The following SPAG16 variants were observed in gnomAD, a reference collection of about 807,000 sequenced individuals.
SPAG16 encodes sperm-associated antigen 16 protein.
In SPAG16, 86 loss-of-function variants were observed where a neutral mutation model predicts 80.4. The observed-to-expected ratio is 1.07, with a 90% CI of 0.90 to 1.28. The LOEUF is 1.28. Among genes scored for constraint, SPAG16 ranks in the 50% most tolerant of loss-of-function variants. The pLI, the probability that SPAG16 is intolerant of heterozygous loss-of-function variation, is 0.00. For synonymous variants in SPAG16, 294 were observed against 265.9 expected (o/e 1.11, Z -1.03); for missense variants, 870 against 765.3 (o/e 1.14, Z -1.61).
At chr2:213,637,442 A>ATACTG (rs1223445548) in intron 10 of SPAG16, among the ~76,000 whole-genome samples, 2 of 152,052 alleles carry the variant, frequency 1.3e-5, no homozygotes, top group Admixed American at 6.5e-5. Flanking sequence ...TGTTAGGGTG[A>ATACTG]TACTGGCTTC....
At chr2:214,133,143 A>T (rs6738356) in intron 14 of SPAG16, among the ~76,000 whole-genome samples, 1 of 150,412 alleles carries the variant, frequency 6.6e-6, no homozygotes, top group Non-Finnish European at 1.5e-5. Flanking sequence ...AAAAAAACCT[A>T]CCATTAGCAT....
chr2:214,229,965 C>T (rs573768109), intron 15 of SPAG16, among the ~76,000 whole-genome samples: 1 of 151,926 alleles, frequency 6.6e-6, no homozygotes, highest in Non-Finnish European at 1.5e-5. Context: ...ATTCAGTTTT[C>T]TCTTACACTC....
intron 12 of SPAG16, among the ~76,000 whole-genome samples, chr2:213,964,729 G>A (rs2044620216): frequency 6.6e-6 from 1 of 152,086 alleles, no homozygotes; most frequent in South Asian, 2.1e-4. Flanking sequence ...TCCACACCTA[G>A]ATCAATCAGA....
intron 10 of SPAG16, among the ~76,000 whole-genome samples, chr2:213,522,252 G>A (rs764022375): frequency 3.3e-5 from 5 of 152,142 alleles, no homozygotes; most frequent in Non-Finnish European, 1.5e-5. Context: ...AAACACAGAT[G>A]TAAACACTTT....
chr2:213,913,156 A>T lies in SPAG16; in HGVS notation c.1215-16804A>T, dbSNP rs2077755502. ...GAATGTATATGGTCATCTGAGTCTTATTTTTTCCTCAATATAGTGTCTCTA... is the reference window on the plus strand; with the variant it reads ...GAATGTATATGGTCATCTGAGTCTTTTTTTTTCCTCAATATAGTGTCTCTA... On this transcript the variant is annotated intron_variant, in intron 11 of 15. Coordinates refer to ENST00000331683, the MANE Select transcript of SPAG16 (RefSeq NM_024532.5). 1.3e-5 allele frequency among the ~76,000 whole-genome samples: 2 copies of T among 151,816 alleles called. 1 individual carries two copies. Among genetic ancestry groups the T allele is most frequent in the Non-Finnish European group, 2.9e-5 (2 of 67,964 alleles).
intron 12 of SPAG16, among the ~76,000 whole-genome samples, chr2:213,992,779 A>G (rs957419810): frequency 1.3e-5 from 2 of 152,190 alleles, no homozygotes; most frequent in African/African-American, 4.8e-5. Context: ...CGATATTTCT[A>G]TCATGTGTAA....
intron 14 of SPAG16, among the ~76,000 whole-genome samples, chr2:214,108,760 G>A (rs2053524168): frequency 6.6e-6 from 1 of 152,102 alleles, no homozygotes; most frequent in Non-Finnish European, 1.5e-5. Context: ...AATTACTCAT[G>A]GAAAAGTTTC....
chr2:213,680,719 A>G (rs1285715323), intron 10 of SPAG16, among the ~76,000 whole-genome samples: 2 of 152,212 alleles, frequency 1.3e-5, no homozygotes, highest in Non-Finnish European at 2.9e-5. Context: ...ATGAATGACC[A>G]TGGCCCATGA....
At chr2:213,867,926 CAAA>C (rs35795865) in intron 11 of SPAG16, among the ~76,000 whole-genome samples, 6 of 45,882 alleles carry the variant, frequency 1.3e-4, no homozygotes, top group Non-Finnish European at 8.9e-5. Flanking sequence ...TCTGTCTCAA[CAAA>C]AAAAAAAAAA....
chr2:213,922,323 A>G (rs917376197), intron 11 of SPAG16, among the ~76,000 whole-genome samples: 1 of 152,104 alleles, frequency 6.6e-6, no homozygotes, highest in South Asian at 2.1e-4. Context: ...CCTGCTGTTT[A>G]TACTTGTGAT....
At chr2:213,418,342 G>A (rs1337919889) in intron 9 of SPAG16, among the ~76,000 whole-genome samples, 1 of 152,104 alleles carries the variant, frequency 6.6e-6, no homozygotes. Context: ...ATCCTTCTCT[G>A]TTACCAGGAT....
At chr2:214,215,471 C>T (rs1411979438) in intron 15 of SPAG16, among the ~76,000 whole-genome samples, 1 of 152,158 alleles carries the variant, frequency 6.6e-6, no homozygotes, top group African/African-American at 2.4e-5. Context: ...AGCTTGTAGA[C>T]CTTATGGTCA....
intron 10 of SPAG16, among the ~76,000 whole-genome samples, chr2:213,765,101 C>T (rs543080599): frequency 6.6e-6 from 1 of 152,366 alleles, no homozygotes; most frequent in East Asian, 1.9e-4. Context: ...GGCACGATGG[C>T]TCATGCCTGT....
chr2:213,388,366 G>A (rs1047326083), intron 9 of SPAG16, among the ~76,000 whole-genome samples: 4 of 152,206 alleles, frequency 2.6e-5, no homozygotes, highest in African/African-American at 7.2e-5. Flanking sequence ...AAAGGGCCAA[G>A]TCTCCTTTTC....
At chr2:213,683,595 G>C (rs570958653) in intron 10 of SPAG16, among the ~76,000 whole-genome samples, 1 of 150,952 alleles carries the variant, frequency 6.6e-6, no homozygotes, top group Admixed American at 6.6e-5. Flanking sequence ...TATGTGATTT[G>C]TTGAAATTAT....
intron 15 of SPAG16, among the ~76,000 whole-genome samples, chr2:214,340,271 G>A (rs371807267): frequency 1.3e-5 from 2 of 152,154 alleles, no homozygotes. Flanking sequence ...CATATGGGAA[G>A]GGTACACACG....
chr2:214,405,412 C>T (rs1701941544), intron 15 of SPAG16, among the ~76,000 whole-genome samples: 1 of 152,180 alleles, frequency 6.6e-6, no homozygotes, highest in South Asian at 2.1e-4. Context: ...TAGGCATAAA[C>T]CCAGTTGGCC....
chr2:214,103,821 G>A (rs565512681), intron 13 of SPAG16, among the ~76,000 whole-genome samples: 87 of 152,152 alleles, frequency 5.7e-4, no homozygotes, highest in African/African-American at 2.0e-3. Flanking sequence ...GGTGAGAACC[G>A]GGTGTACCTT....
chr2:214,329,812 G>A (rs1385712093), intron 15 of SPAG16, among the ~76,000 whole-genome samples: 1 of 152,020 alleles, frequency 6.6e-6, no homozygotes, highest in Non-Finnish European at 1.5e-5. Context: ...TTAACCTGGA[G>A]AAATATCACA....
Sources: gnomAD v4.1 joint callset for allele counts (sites outside exome capture counted in the v4.1 genomes callset) on GRCh38, gnomAD v4.1.1 for gene constraint, MANE v1.5 for transcripts, NCBI Gene and HGNC (gene_info 2026-07-23, HGNC 2026-07-21) for gene names.